The following NEMF variants were observed in gnomAD, a reference collection of about 807,000 sequenced individuals.
NEMF encodes the protein ribosome quality control complex subunit NEMF.
Under a neutral mutation model 162.2 loss-of-function variants are expected in NEMF, and 89 were observed. That is an observed-to-expected ratio of 0.55 (90% CI 0.46 to 0.65). NEMF has a LOEUF of 0.65. NEMF is among the 30% of genes least tolerant of loss of function. NEMF has a pLI of 0.00. For synonymous variants in NEMF, 421 were observed against 404.5 expected (o/e 1.04, Z -0.49); for missense variants, 1,133 against 1,261.9 (o/e 0.90, Z 1.55).
intron 4 of NEMF, among the ~76,000 whole-genome samples, chr14:49,841,119 T>C (rs1405438908): frequency 1.5e-5 from 2 of 137,814 alleles, no homozygotes; most frequent in Non-Finnish European, 3.0e-5. Flanking sequence ...ATCACTTGAA[T>C]CTGGGGGGTG....
At position 49,816,692 on chromosome 14, in the gene NEMF, A is replaced by G. The variant is rs537314736; in HGVS notation, c.1578-1835T>C. ...GGGTTTCCCTGATACATTTTTAGAC[A>G]TAGCACAAACTGTTCTGAATATTGC... On this transcript the variant is annotated intron_variant, in intron 16 of 32. Coordinates refer to ENST00000298310, the MANE Select transcript of NEMF (RefSeq NM_004713.6). 4.6e-5 allele frequency among the ~76,000 whole-genome samples: 7 copies of G among 152,370 alleles called. No homozygotes were observed. In the South Asian group the frequency reaches 6.2e-4, roughly 14 times the overall value.
At chr14:49,806,878 G>C (rs1891241866) in intron 18 of NEMF, among the ~76,000 whole-genome samples, 1 of 151,908 alleles carries the variant, frequency 6.6e-6, no homozygotes, top group Non-Finnish European at 1.5e-5. Flanking sequence ...TTTAAATTGG[G>C]GTATAATTCA....
intron 16 of NEMF, among the ~76,000 whole-genome samples, chr14:49,824,761 A>G (rs1373049067): frequency 6.6e-6 from 1 of 152,142 alleles, no homozygotes; most frequent in Non-Finnish European, 1.5e-5. Context: ...TGTTTTATAC[A>G]TTGGAGACCT....
In NEMF at chr14:49,851,890, G is replaced by A. The variant is rs1373754502; in HGVS notation, c.60-15C>T. 1 of 1,501,818 alleles carries A rather than the reference G, an allele frequency of 6.7e-7. No homozygotes were observed. The highest frequency in any genetic ancestry group is 1.4e-5 in the African/African-American group (1 of 71,438). 93.0% of individuals were successfully genotyped at this position (1,501,818 alleles called of 1,614,324 possible). A position where few individuals can be genotyped will look rare whatever the true frequency, so the allele number is the denominator to read the frequency against. On this transcript the variant is annotated splice_polypyrimidine_tract_variant and intron_variant, in intron 1 of 32. Coordinates refer to ENST00000298310, the MANE Select transcript of NEMF (RefSeq NM_004713.6). ...TTCCTAGCAAGCTGCAAAGATAAAG[G>A]AAACATGTAACATGTTACACTATTG...
At chr14:49,839,821 T>C (rs1220240428) in intron 5 of NEMF, 2 of 152,200 alleles carry the variant, frequency 1.3e-5, no homozygotes, top group Non-Finnish European at 2.9e-5. Context: ...AAGTGTTCCA[T>C]ATTTTTTAAT....
At chr14:49,803,949 G>A (rs1243476864) in intron 19 of NEMF, among the ~76,000 whole-genome samples, 1 of 151,750 alleles carries the variant, frequency 6.6e-6, no homozygotes. Context: ...CTAAAATAAA[G>A]CTCTATTTAT....
chr14:49,829,175 T>C lies in NEMF; in HGVS notation c.1111A>G (p.Asn371Asp). The change falls in exon 13 of 33, where the codon AAC (asparagine) becomes GAC (aspartate). Residue 371 changes from asparagine (N) to aspartate (D), a missense_variant. Physicochemically the swap from Asn to Asp is conservative, Grantham distance 23. Coordinates refer to ENST00000298310, the MANE Select transcript of NEMF (RefSeq NM_004713.6). Reference protein sequence around the residue: ...AIQVVRSALANQIDWTEIGLI... With the variant: ...AIQVVRSALADQIDWTEIGLI... ...CCAATTTCTGTCCAATCTATCTGGT[T>C]AGCTAAAGCACTTCGAACTACCTGA... 2 of 1,614,192 alleles carry C rather than the reference T, an allele frequency of 1.2e-6. No individual in the cohort carries two copies. The highest frequency in any genetic ancestry group is 1.7e-6 in the Non-Finnish European group (2 of 1,180,010).
At chr14:49,794,370 CAT>C (rs749085416) in intron 26 of NEMF, among the ~76,000 whole-genome samples, 3 of 152,034 alleles carry the variant, frequency 2.0e-5, no homozygotes, top group Non-Finnish European at 2.9e-5. Context: ...TCCTTATGCA[CAT>C]GTCATTTGCA....
chr14:49,852,729 C>A lies in NEMF; in HGVS notation c.25G>T (p.Asp9Tyr), dbSNP rs763919210. 1 of 1,614,216 alleles carries A rather than the reference C, an allele frequency of 6.2e-7. No individual in the cohort carries two copies. The highest frequency in any genetic ancestry group is 1.1e-5 in the South Asian group (1 of 91,080). Residue 9 changes from aspartate to tyrosine, a missense_variant, in exon 1 of 33, where the codon GAC (aspartate) becomes TAC (tyrosine). Physicochemically the swap from Asp to Tyr is radical, Grantham distance 160. Around this residue, in one of 3 missense-constraint regions of NEMF, gnomAD observed 582 missense variants for 631.5 expected, o/e 0.92. Transcript: ENST00000298310. ...AGCTCCGCGAGTACGGCGCGGAGGT[C>A]AATGGTGCTAAAGCGGCTCTTCATG... MKSRFSTI[D>Y]LRAVLAELNA...
chr14:49,836,132 T>C (rs1004793059), intron 6 of NEMF, among the ~76,000 whole-genome samples: 24 of 151,922 alleles, frequency 1.6e-4, no homozygotes, highest in African/African-American at 5.8e-4. Flanking sequence ...ACACAAAACT[T>C]AGTGGGTGTA....
In NEMF at chr14:49,806,042, A is replaced by G; in HGVS notation, c.1836T>C (p.Ala612=). Residue 612 remains alanine (A), a synonymous_variant, in exon 19 of 33, where the codon GCT becomes GCC. Transcript: ENST00000298310. ...TTACCTGATGATGGTACACCCACCA[A>G]GCACTAGTGATAACTCGTGCATCCC... ...AAWDARVITS[A]WWVYHHQVSK... 1 of 1,610,484 alleles carries G rather than the reference A, an allele frequency of 6.2e-7. No individual in the cohort carries two copies. The highest frequency in any genetic ancestry group is 1.1e-5 in the South Asian group (1 of 90,872).
chr14:49,828,410 T>C, intron 14 of NEMF, 56 bp from the exon 15 acceptor site: 1 of 1,177,124 alleles, frequency 8.5e-7, no homozygotes, highest in Non-Finnish European at 1.2e-6. Context: ...TTCAGTTTTC[T>C]ACTTAGTTCT....
chr14:49,828,879 T>G, intron 13 of NEMF, 72 bp from the exon 14 acceptor site: 1 of 1,333,514 alleles, frequency 7.5e-7, no homozygotes, highest in Non-Finnish European at 1.0e-6. Context: ...TCTTCTTCAA[T>G]AAAATTATAA....
At chr14:49,832,954 A>G (rs953005421) in intron 8 of NEMF, among the ~76,000 whole-genome samples, 4 of 152,098 alleles carry the variant, frequency 2.6e-5, no homozygotes, top group African/African-American at 9.7e-5. Context: ...AAACTTATAA[A>G]CCAACAAAAA....
chr14:49,848,496 T>C (rs1893619583), intron 3 of NEMF, among the ~76,000 whole-genome samples: 1 of 152,114 alleles, frequency 6.6e-6, no homozygotes, highest in African/African-American at 2.4e-5. Flanking sequence ...TTTTTTAATA[T>C]AAAAGACCCT....
At chr14:49,844,746 C>CACAT in intron 4 of NEMF, 1 of 196,612 alleles carries the variant, frequency 5.1e-6, no homozygotes. Context: ...CGCACACACA[C>CACAT]ACACACACAC....
chr14:49,844,313 A>T (rs1433401558), intron 4 of NEMF, among the ~76,000 whole-genome samples: 2 of 152,136 alleles, frequency 1.3e-5, no homozygotes, highest in Admixed American at 1.3e-4. Flanking sequence ...AATAGGGTTC[A>T]CGCTCCTATA....
intron 26 of NEMF, among the ~76,000 whole-genome samples, chr14:49,789,878 A>G (rs1416558485): frequency 6.6e-6 from 1 of 152,256 alleles, no homozygotes; most frequent in Non-Finnish European, 1.5e-5. Flanking sequence ...GGAAGAGAAC[A>G]GTAATAGCAA....
chr14:49,823,704 G>A (rs2139944698), intron 16 of NEMF, among the ~76,000 whole-genome samples: 1 of 152,258 alleles, frequency 6.6e-6, no homozygotes, highest in South Asian at 2.1e-4. Context: ...TCCAGAAAAT[G>A]TCTCAGAACT....
Sources: allele counts gnomAD v4.1 joint callset (sites outside exome capture counted in the v4.1 genomes callset), GRCh38; gene constraint gnomAD v4.1.1; regional missense constraint gnomAD v4.1.1; transcripts MANE v1.5; gene names NCBI Gene and HGNC (gene_info 2026-07-23, HGNC 2026-07-21).